PDHX: variants seen among roughly 807,000 people sequenced by gnomAD.
PDHX encodes pyruvate dehydrogenase complex component X.
In PDHX, 33 loss-of-function variants were observed where a neutral mutation model predicts 55.3. The ratio of observed to expected loss-of-function variants is 0.60; its 90% CI spans 0.45 to 0.80. The LOEUF (loss-of-function observed/expected upper bound fraction) is 0.80, where lower values mean the gene tolerates loss of function less well. Among genes scored for constraint, PDHX ranks in the 30% least tolerant of loss-of-function variants. The pLI is 0.00. For synonymous variants in PDHX, 226 were observed against 219.4 expected, an observed-to-expected ratio of 1.03 and a Z score of -0.27; for missense variants, 622 against 619.9, an observed-to-expected ratio of 1.00 and a Z score of -0.04.
rs1159818975 is a variant in PDHX, at chr11:34,970,130, T to C, written c.817-9T>C. On this transcript the variant is annotated splice_polypyrimidine_tract_variant and intron_variant, in intron 6 of 10. Transcript: ENST00000227868. ...GTGGTTTAACGGACAGGTTGCTGTC[T>C]TTTTGCAGGGCACATTCACTGAAAT... 1.2e-6 allele frequency: 2 copies of C among 1,613,072 alleles called. No homozygotes were observed. The highest frequency in any genetic ancestry group is 2.7e-5 in the African/African-American group (2 of 74,916).
At chr11:34,916,926 T>TCAC in intron 1 of PDHX, 111 bp downstream of exon 1, 1 of 1,068,244 alleles carries the variant, frequency 9.4e-7, no homozygotes, top group Non-Finnish European at 1.4e-6. Flanking sequence ...GCGGGCTCCT[T>TCAC]ATTCCCTTTC....
intron 1 of PDHX, among the ~76,000 whole-genome samples, chr11:34,923,828 G>C (rs574774198): frequency 4.1e-4 from 63 of 152,320 alleles, no homozygotes; most frequent in Admixed American, 4.1e-3. Context: ...TTGGCTTTTA[G>C]CTTTGGAAGT....
At chr11:34,969,089 GC>G (rs1251922821) in intron 6 of PDHX, among the ~76,000 whole-genome samples, 1 of 152,166 alleles carries the variant, frequency 6.6e-6, no homozygotes, top group African/African-American at 2.4e-5. Context: ...CCACTGCTCT[GC>G]AGTGTACTGT....
intron 1 of PDHX, among the ~76,000 whole-genome samples, chr11:34,918,905 CTT>C (rs1450606130): frequency 1.3e-5 from 2 of 152,176 alleles, no homozygotes; most frequent in Non-Finnish European, 2.9e-5. Context: ...TTACGTCACT[CTT>C]AATACTCCCC....
At chr11:34,981,971 A>G (rs1252314898) in intron 8 of PDHX, among the ~76,000 whole-genome samples, 4 of 152,108 alleles carry the variant, frequency 2.6e-5, no homozygotes, top group Admixed American at 2.0e-4. Context: ...CTCTGATGGT[A>G]GTTTCTTTTG....
chr11:34,951,049 CTT>C (rs1179399887), intron 3 of PDHX, among the ~76,000 whole-genome samples: 5,162 of 87,794 alleles, frequency 0.059, 93 homozygotes, highest in African/African-American at 0.18. Context: ...TGTTTCCTGA[CTT>C]TTTTTTTTTT....
chr11:34,988,970 A>C (rs1379840361), intron 9 of PDHX, among the ~76,000 whole-genome samples: 1 of 152,226 alleles, frequency 6.6e-6, no homozygotes, highest in Non-Finnish European at 1.5e-5. Flanking sequence ...ATGAGTAGGA[A>C]AAAATAGTAC....
chr11:34,985,394 T>C (rs1428271095), intron 9 of PDHX, among the ~76,000 whole-genome samples: 2 of 152,182 alleles, frequency 1.3e-5, no homozygotes, highest in Non-Finnish European at 2.9e-5. Flanking sequence ...TGAGCCGAGA[T>C]TGCGCCACCG....
intron 3 of PDHX, among the ~76,000 whole-genome samples, chr11:34,951,436 C>G (rs1049894824): frequency 4.6e-5 from 7 of 152,164 alleles, no homozygotes; most frequent in Admixed American, 3.3e-4. Context: ...TTGCATTTCT[C>G]TGATGGCCAG....
At chr11:34,991,682 G>A (rs951039227) in intron 9 of PDHX, among the ~76,000 whole-genome samples, 1 of 151,984 alleles carries the variant, frequency 6.6e-6, no homozygotes, top group Non-Finnish European at 1.5e-5. Context: ...GCCGAGGTGG[G>A]TGGATCACTT....
intron 9 of PDHX, 55 bp from the exon 10 acceptor site, chr11:34,992,260 A>G (rs1056264620): frequency 6.1e-6 from 6 of 981,630 alleles, no homozygotes; most frequent in South Asian, 2.6e-5. Context: ...TCAAGTGACA[A>G]GATCAACTGT....
chr11:34,984,733 G>A lies in PDHX; in HGVS notation c.1182+5G>A. 6.2e-7 allele frequency: 1 copy of A among 1,613,328 alleles called. No individual in the cohort carries two copies. The highest frequency in any genetic ancestry group is 8.5e-7 in the Non-Finnish European group (1 of 1,179,302). On this transcript the variant is annotated splice_donor_5th_base_variant and intron_variant, in intron 9 of 10. Transcript: ENST00000227868. ...GAAATTGCTGACTCTGTAAAGGTATGTCTTAAGAAAGAGTGTGCTTTCAAA... is the reference window on the plus strand; with the variant it reads ...GAAATTGCTGACTCTGTAAAGGTATATCTTAAGAAAGAGTGTGCTTTCAAA...
At chr11:34,964,013 A>C (rs1017328597) in intron 5 of PDHX, among the ~76,000 whole-genome samples, 1 of 152,172 alleles carries the variant, frequency 6.6e-6, no homozygotes, top group South Asian at 2.1e-4. Context: ...AATTCATGTC[A>C]CACCCAAATG....
At chr11:34,969,152 A>G (rs967345410) in intron 6 of PDHX, among the ~76,000 whole-genome samples, 6 of 152,118 alleles carry the variant, frequency 3.9e-5, no homozygotes, top group Non-Finnish European at 7.4e-5. Flanking sequence ...TTTTGAGCAC[A>G]TTTATGGTAG....
rs150278060 is a variant in PDHX at position 34,958,772 on chromosome 11, C to T, written c.542+1189C>T. On this transcript the variant is annotated intron_variant, in intron 4 of 10. Coordinates refer to ENST00000227868, the MANE Select transcript of PDHX (RefSeq NM_003477.3). ...TGCAAAGATAATAATAGTATGTACC[C>T]TAATTAAGATCAGTCATCATCAGAG... Among the ~76,000 whole-genome samples, 35 of 152,230 alleles carry T rather than the reference C, an allele frequency of 2.3e-4. 1 individual carries two copies. Among genetic ancestry groups the T allele is most frequent in the Middle Eastern group, 6.8e-3 (2 of 292 alleles).
At chr11:34,960,049 T>A (rs1476623665) in intron 4 of PDHX, among the ~76,000 whole-genome samples, 1 of 152,186 alleles carries the variant, frequency 6.6e-6, no homozygotes, top group Non-Finnish European at 1.5e-5. Context: ...ATGATAAATT[T>A]TAGGTATCAT....
intron 8 of PDHX, among the ~76,000 whole-genome samples, chr11:34,979,949 T>C (rs61882167): frequency 0.022 from 3,390 of 151,646 alleles, 46 homozygotes; most frequent in Middle Eastern, 0.037. Context: ...TCTAGTTTCA[T>C]AGAATTCACC....
chr11:34,937,131 G>A (rs964287096), intron 2 of PDHX, among the ~76,000 whole-genome samples: 5 of 152,082 alleles, frequency 3.3e-5, no homozygotes, highest in African/African-American at 7.2e-5. Flanking sequence ...GTAGCATTGC[G>A]TTGAAAGGAA....
chr11:34,937,568 T>C (rs936790910), intron 2 of PDHX, among the ~76,000 whole-genome samples: 7 of 151,942 alleles, frequency 4.6e-5, no homozygotes, highest in East Asian at 1.9e-4. Context: ...AGGTGTTCAA[T>C]AGATAACTGA....
Sources: gnomAD v4.1 joint callset for allele counts (sites outside exome capture counted in the v4.1 genomes callset) on GRCh38, gnomAD v4.1.1 for gene constraint, MANE v1.5 for transcripts, NCBI Gene and HGNC (gene_info 2026-07-23, HGNC 2026-07-21) for gene names.